The following SPECC1 variants were observed in gnomAD, a reference collection of about 807,000 sequenced individuals.
SPECC1 encodes cytospin-B.
Under a neutral mutation model 104.1 loss-of-function variants are expected in SPECC1, and 62 were observed. The observed-to-expected ratio is 0.60, with a 90% CI of 0.49 to 0.74. The LOEUF (loss-of-function observed/expected upper bound fraction) is 0.74. Among genes scored for constraint, SPECC1 ranks in the 30% least tolerant of loss-of-function variants. The pLI is 0.00. For synonymous variants in SPECC1, 513 were observed against 501.6 expected (o/e 1.02, Z -0.30); for missense variants, 1,306 against 1,310.5 (o/e 1.00, Z 0.05).
intron 3 of SPECC1, among the ~76,000 whole-genome samples, chr17:20,114,175 A>C (rs1479611984): frequency 6.6e-6 from 1 of 152,124 alleles, no homozygotes; most frequent in African/African-American, 2.4e-5. Context: ...TCTTTTACTT[A>C]CATTTTTTAC....
intron 12 of SPECC1, among the ~76,000 whole-genome samples, chr17:20,265,284 C>T (rs1462997841): frequency 6.6e-6 from 1 of 152,094 alleles, no homozygotes; most frequent in Non-Finnish European, 1.5e-5. Flanking sequence ...TATTTTTTGG[C>T]TTTTTAATAA....
intron 1 of SPECC1, among the ~76,000 whole-genome samples, chr17:20,067,590 A>G (rs2046402346): frequency 6.6e-6 from 1 of 152,108 alleles, no homozygotes; most frequent in Admixed American, 6.5e-5. Context: ...ATTTTGTAGT[A>G]TCACTTTCTC....
chr17:20,176,511 C>CAA (rs2034485423), intron 3 of SPECC1, among the ~76,000 whole-genome samples: 1 of 152,142 alleles, frequency 6.6e-6, no homozygotes. Context: ...CAAATAACTA[C>CAA]AAATTTAGTG....
In SPECC1 at chr17:20,153,038, A is replaced by G. The variant is rs139837740; in HGVS notation, c.283+42476A>G. Among the ~76,000 whole-genome samples the G allele has an allele frequency of 2.7e-3, 411 of 152,024 alleles. 1 individual carries two copies. The highest frequency in any genetic ancestry group is 8.6e-3 in the African/African-American group (357 of 41,474). ...CTTATGACCTCATTTAACCTTAATT[A>G]CCTCCTAAAGGCCCTGTCTCCAAAT... On this transcript the variant is annotated intron_variant, in intron 3 of 14. Transcript: ENST00000395527.
chr17:20,300,980 G>A (rs760335826), intron 13 of SPECC1, among the ~76,000 whole-genome samples: 3 of 152,248 alleles, frequency 2.0e-5, no homozygotes, highest in Non-Finnish European at 4.4e-5. Flanking sequence ...ATTACAGCCC[G>A]TTTGCCACTC....
intron 4 of SPECC1, among the ~76,000 whole-genome samples, chr17:20,222,538 T>C (rs2151436275): frequency 6.6e-6 from 1 of 152,350 alleles, no homozygotes; most frequent in East Asian, 1.9e-4. Flanking sequence ...TAACTTTTTG[T>C]TGTTGTCTGT....
intron 1 of SPECC1, among the ~76,000 whole-genome samples, chr17:20,041,719 G>T (rs1371842460): frequency 7.0e-6 from 1 of 143,336 alleles, no homozygotes; most frequent in Non-Finnish European, 1.5e-5. Flanking sequence ...CTCTTCCCAG[G>T]TTCATGCCAT....
rs752221811 is a variant in SPECC1 at position 20,200,890 on chromosome 17, TA to T, written c.284-3428del. 3.5e-3 allele frequency among the ~76,000 whole-genome samples: 432 copies of T among 125,074 alleles called. 1 individual carries two copies. The highest frequency in any genetic ancestry group is 4.1e-3 in the Non-Finnish European group (234 of 57,094). The allele number at this position is 125,074 out of a possible 152,430, so 82.1% of individuals were successfully genotyped here. Reference sequence around the variant, plus strand: ...TTTTGGAAAACAGAGACAGACATAGTAAAAAAAAAAAAAAAGGAAAAAGAAT... The same window carrying T: ...TTTTGGAAAACAGAGACAGACATAGTAAAAAAAAAAAAAAGGAAAAAGAAT... On this transcript the variant is annotated intron_variant, in intron 3 of 14. Coordinates refer to ENST00000395527, the MANE Select transcript of SPECC1 (RefSeq NM_001243439.2).
intron 1 of SPECC1, among the ~76,000 whole-genome samples, chr17:20,075,444 T>A (rs1277366556): frequency 1.3e-5 from 2 of 152,136 alleles, no homozygotes; most frequent in African/African-American, 4.8e-5. Flanking sequence ...ATACGGCATT[T>A]CAGTAAATTC....
At chr17:20,034,898 C>T (rs1487875920) in intron 1 of SPECC1, among the ~76,000 whole-genome samples, 2 of 152,144 alleles carry the variant, frequency 1.3e-5, no homozygotes, top group Non-Finnish European at 2.9e-5. Flanking sequence ...AGCCACCGTG[C>T]GTGGCCTTTT....
intron 1 of SPECC1, among the ~76,000 whole-genome samples, chr17:20,086,807 A>G (rs1283491515): frequency 6.6e-6 from 1 of 152,140 alleles, no homozygotes; most frequent in African/African-American, 2.4e-5. Flanking sequence ...CCAGGTCCTC[A>G]TCGTTCAAAT....
chr17:20,210,544 A>G (rs1567944774), intron 4 of SPECC1, among the ~76,000 whole-genome samples: 1 of 152,194 alleles, frequency 6.6e-6, no homozygotes, highest in African/African-American at 2.4e-5. Flanking sequence ...GATTGGTGAG[A>G]ACTGCGTCAC....
At chr17:20,306,950 A>ATT in intron 14 of SPECC1, among the ~76,000 whole-genome samples, 1 of 16,596 alleles carries the variant, frequency 6.0e-5, no homozygotes, top group South Asian at 4.0e-3. Flanking sequence ...CTATTTAAAC[A>ATT]TGAAAGAGAT....
At chr17:20,227,392 G>A in intron 4 of SPECC1, 21 bp from the exon 5 acceptor site, 1 of 1,603,742 alleles carries the variant, frequency 6.2e-7, no homozygotes, top group South Asian at 1.1e-5. Context: ...AACTGACCAA[G>A]GAACCTTCCT....
At chr17:20,056,157 T>G (rs556808746) in intron 1 of SPECC1, 51 of 152,350 alleles carry the variant, frequency 3.3e-4, no homozygotes, top group African/African-American at 1.2e-3. Flanking sequence ...AAGCTGTGGG[T>G]TCCAAGAGAT....
At chr17:20,269,273 T>C (rs1278164638) in intron 12 of SPECC1, among the ~76,000 whole-genome samples, 1 of 152,198 alleles carries the variant, frequency 6.6e-6, no homozygotes, top group Non-Finnish European at 1.5e-5. Context: ...TTCCCATTGT[T>C]TCCAGAACTG....
chr17:20,262,288 A>G (rs1459732914), intron 12 of SPECC1, among the ~76,000 whole-genome samples: 8 of 152,230 alleles, frequency 5.3e-5, no homozygotes, highest in Non-Finnish European at 1.2e-4. Context: ...TTCCTGAAAA[A>G]CATATGTGCT....
chr17:20,037,487 T>G (rs539346226), intron 1 of SPECC1, among the ~76,000 whole-genome samples: 12 of 151,162 alleles, frequency 7.9e-5, no homozygotes, highest in South Asian at 4.2e-4. Context: ...GTCCAGTGCT[T>G]CTTTTTTTTT....
chr17:20,118,932 G>A (rs899098679), intron 3 of SPECC1, among the ~76,000 whole-genome samples: 1 of 151,988 alleles, frequency 6.6e-6, no homozygotes, highest in African/African-American at 2.4e-5. Context: ...CTGCTCCTTT[G>A]CACAGGATTC....
Sources: gnomAD v4.1 joint callset for allele counts (sites outside exome capture counted in the v4.1 genomes callset) on GRCh38, gnomAD v4.1.1 for gene constraint, MANE v1.5 for transcripts, NCBI Gene and HGNC (gene_info 2026-07-23, HGNC 2026-07-21) for gene names.